Variants in PCDH7 observed in about 807,000 individuals in gnomAD.
PCDH7 encodes the protein protocadherin-7.
In PCDH7, 17 loss-of-function variants were observed where a neutral mutation model predicts 58.9. That is an observed-to-expected ratio of 0.29 (90% CI 0.20 to 0.43). The LOEUF (loss-of-function observed/expected upper bound fraction) is 0.43. Ranked by LOEUF, PCDH7 falls within the 20% of genes least tolerant of loss-of-function variation. The pLI is 1.00. For missense variants in PCDH7, 1,274 were observed against 1,441.0 expected (o/e 0.88, Z 1.88); for synonymous variants, 664 against 616.4 (o/e 1.08, Z -1.14).
intron 1 of PCDH7, among the ~76,000 whole-genome samples, chr4:30,753,213 T>C (rs1293519753): frequency 6.6e-6 from 1 of 152,190 alleles, no homozygotes; most frequent in Non-Finnish European, 1.5e-5. Flanking sequence ...AACTTCTCCA[T>C]ACAGAGTCTT....
intron 1 of PCDH7, among the ~76,000 whole-genome samples, chr4:30,838,495 GT>G (rs965717842): frequency 3.4e-4 from 51 of 151,652 alleles, no homozygotes; most frequent in South Asian, 8.4e-4. Flanking sequence ...ATTTTAAAGG[GT>G]TTTTTTTCCC....
intron 1 of PCDH7, among the ~76,000 whole-genome samples, chr4:30,771,915 G>C (rs1233463249): frequency 6.6e-6 from 1 of 152,054 alleles, no homozygotes. Flanking sequence ...CTGTCGCCCA[G>C]GCTGGAGTGC....
chr4:31,119,184 G>T (rs960246322), intron 3 of PCDH7, among the ~76,000 whole-genome samples: 1 of 152,054 alleles, frequency 6.6e-6, no homozygotes, highest in African/African-American at 2.4e-5. Context: ...TCTCTGTTAT[G>T]TTTCATGCCA....
chr4:30,996,516 G>C (rs775192297), intron 3 of PCDH7, among the ~76,000 whole-genome samples: 1 of 152,070 alleles, frequency 6.6e-6, no homozygotes, highest in Non-Finnish European at 1.5e-5. Context: ...CTTCCCCTCC[G>C]AGAGACTTTG....
intron 3 of PCDH7, among the ~76,000 whole-genome samples, chr4:31,091,342 A>T (rs1027108057): frequency 6.6e-6 from 1 of 152,000 alleles, no homozygotes; most frequent in Non-Finnish European, 1.5e-5. Context: ...GCTACATGAC[A>T]TATATATGTA....
In PCDH7 at chr4:30,722,746, A is replaced by T; in HGVS notation, c.1324A>T (p.Ile442Phe). 1.2e-6 allele frequency: 2 copies of T among 1,613,394 alleles called. No homozygotes were observed. Among genetic ancestry groups the T allele is most frequent in the Non-Finnish European group, 1.7e-6 (2 of 1,179,976 alleles). Residue 442 changes from isoleucine (I) to phenylalanine (F), a missense_variant, in exon 1 of 2, where the codon ATC becomes TTC. Transcript: ENST00000361762. The surrounding 1 kb of genome is among the most constrained non-coding windows in gnomAD (Gnocchi z 7.6). ...CGAGGACGTTCTGGTCGACACCCCCATCGCTCTGGTGCAGGTGTCCGACCG... is the reference window on the plus strand; with the variant it reads ...CGAGGACGTTCTGGTCGACACCCCCTTCGCTCTGGTGCAGGTGTCCGACCG...
chr4:31,032,350 G>A (rs1755001394), intron 3 of PCDH7, among the ~76,000 whole-genome samples: 2 of 152,182 alleles, frequency 1.3e-5, no homozygotes, highest in Non-Finnish European at 2.9e-5. Context: ...GCTCACGCCT[G>A]TAATCCCAGC....
At chr4:31,071,025 A>T (rs1412745511) in intron 3 of PCDH7, among the ~76,000 whole-genome samples, 1 of 152,190 alleles carries the variant, frequency 6.6e-6, no homozygotes, top group Non-Finnish European at 1.5e-5. Context: ...CCTTGTGGAA[A>T]AAAGCTTAAT....
chr4:31,045,410 A>G (rs1756200022), intron 3 of PCDH7, among the ~76,000 whole-genome samples: 1 of 152,054 alleles, frequency 6.6e-6, no homozygotes, highest in African/African-American at 2.4e-5. Context: ...ATGAAGAGCC[A>G]GAGAGCCATT....
intron 1 of PCDH7, among the ~76,000 whole-genome samples, chr4:30,894,725 A>G (rs1157730303): frequency 1.3e-5 from 2 of 150,532 alleles, no homozygotes; most frequent in African/African-American, 2.4e-5. Context: ...TTATATGACC[A>G]TGTGACTACC....
exon 1 of PCDH7, chr4:30,724,011 G>A: frequency 6.2e-7 from 1 of 1,614,136 alleles, no homozygotes; most frequent in South Asian, 1.1e-5. Context: ...CACTCACCCA[G>A]GATATAGCTG....
At chr4:30,797,342 A>T (rs1411505797) in intron 1 of PCDH7, among the ~76,000 whole-genome samples, 1 of 149,664 alleles carries the variant, frequency 6.7e-6, no homozygotes, top group Admixed American at 6.7e-5. Flanking sequence ...GCTCCATCTC[A>T]GCTCACTGCA....
At chr4:30,737,506 T>A (rs867555736), downstream of PCDH7, among the ~76,000 whole-genome samples, 3 of 150,934 alleles carry the variant, frequency 2.0e-5, no homozygotes, top group African/African-American at 7.3e-5. Context: ...CAGAGGGAGA[T>A]CCTGTCTCAA....
chr4:30,817,162 A>C (rs1040160566), intron 1 of PCDH7, among the ~76,000 whole-genome samples: 1 of 152,216 alleles, frequency 6.6e-6, no homozygotes, highest in Non-Finnish European at 1.5e-5. Context: ...TGGACTTAGA[A>C]ACCTGATTTA....
intron 1 of PCDH7, among the ~76,000 whole-genome samples, chr4:30,853,503 A>G (rs961973668): frequency 6.6e-6 from 1 of 152,122 alleles, no homozygotes; most frequent in African/African-American, 2.4e-5. Flanking sequence ...GAAGCTAGAC[A>G]TAGTCAGTGT....
intron 3 of PCDH7, among the ~76,000 whole-genome samples, chr4:30,971,111 T>C (rs946415622): frequency 4.6e-5 from 7 of 152,150 alleles, no homozygotes; most frequent in African/African-American, 1.7e-4. Context: ...TTGCCAGAGG[T>C]CACTTAGAAG....
At chr4:30,949,992 T>C (rs1410488269) in intron 2 of PCDH7, 1 of 152,728 alleles carries the variant, frequency 6.5e-6, no homozygotes, top group East Asian at 1.9e-4. Context: ...TATAGATTCT[T>C]TTTTTAAAGA....
intron 1 of PCDH7, among the ~76,000 whole-genome samples, chr4:30,800,255 T>G (rs1025013191): frequency 1.3e-5 from 2 of 152,044 alleles, no homozygotes; most frequent in Non-Finnish European, 2.9e-5. Flanking sequence ...CATTAACCAA[T>G]GGAGTGTAGG....
chr4:31,115,528 A>C (rs1457045730), intron 3 of PCDH7, among the ~76,000 whole-genome samples: 1 of 152,046 alleles, frequency 6.6e-6, no homozygotes, highest in East Asian at 1.9e-4. Flanking sequence ...CTTATTTTTC[A>C]AGTTTCTCAC....
Sources: gnomAD v4.1 joint callset for allele counts (sites outside exome capture counted in the v4.1 genomes callset) on GRCh38, gnomAD v4.1.1 for gene constraint, Gnocchi (gnomAD v3.1) non-coding constraint, MANE v1.5 for transcripts, NCBI Gene and HGNC (gene_info 2026-07-23, HGNC 2026-07-21) for gene names.